The following KIAA1549L variants were observed in gnomAD, a reference collection of about 807,000 sequenced individuals.
The protein encoded by KIAA1549L is UPF0606 protein KIAA1549L.
KIAA1549L carries 88 observed loss-of-function variants against 160.7 expected under a neutral mutation model. The observed-to-expected ratio is 0.55, with a 90% CI of 0.46 to 0.65. KIAA1549L has a LOEUF of 0.65. Ranked by LOEUF, KIAA1549L falls within the 30% of genes least tolerant of loss-of-function variation. The pLI is 0.00. For missense variants in KIAA1549L, 2,258 were observed against 2,437.5 expected (o/e 0.93, Z 1.55); for synonymous variants, 950 against 976.7 (o/e 0.97, Z 0.51).
chr11:33,644,656 A>G (rs1276453851), intron 16 of KIAA1549L, among the ~76,000 whole-genome samples: 2 of 152,256 alleles, frequency 1.3e-5, no homozygotes, highest in African/African-American at 2.4e-5. Flanking sequence ...AATACCAGAA[A>G]GTTAAAGTAA....
At chr11:33,416,741 T>C (rs1054796033) in intron 1 of KIAA1549L, among the ~76,000 whole-genome samples, 4 of 152,198 alleles carry the variant, frequency 2.6e-5, no homozygotes, top group Non-Finnish European at 5.9e-5. Flanking sequence ...GGGATGGTTA[T>C]TTAGTAATAG....
At chr11:33,383,365 C>A (rs918544374) in intron 1 of KIAA1549L, among the ~76,000 whole-genome samples, 2 of 151,628 alleles carry the variant, frequency 1.3e-5, no homozygotes, top group African/African-American at 2.4e-5. Flanking sequence ...CGTTGCTTGA[C>A]AACATATTAG....
At position 33,431,827 on chromosome 11, in the gene KIAA1549L, A is replaced by C. The variant is rs755636760; in HGVS notation, c.238+54938A>C. Among the ~76,000 whole-genome samples the C allele has an allele frequency of 8.7e-4, 133 of 152,356 alleles. 1 individual carries two copies. Among genetic ancestry groups the C allele is most frequent in the Non-Finnish European group, 7.8e-4 (53 of 68,034 alleles). On this transcript the variant is annotated intron_variant, in intron 1 of 20. Coordinates refer to ENST00000658780, the MANE Select transcript of KIAA1549L (RefSeq NM_012194.3). ...CTCATCGGGGAGGCTCGGGCTGCAC[A>C]GGAACCCAGGGAGGCCGGGGAAGGC... is the stretch of plus-strand genomic sequence containing the variant.
intron 1 of KIAA1549L, among the ~76,000 whole-genome samples, chr11:33,477,125 G>C (rs2133039395): frequency 6.6e-6 from 1 of 152,272 alleles, no homozygotes; most frequent in South Asian, 2.1e-4. Flanking sequence ...TATGCAAGAA[G>C]GTTGTTATTC....
chr11:33,652,444 C>T (rs1851923715), intron 17 of KIAA1549L, among the ~76,000 whole-genome samples: 1 of 152,152 alleles, frequency 6.6e-6, no homozygotes, highest in Admixed American at 6.5e-5. Context: ...TGCCATCTTG[C>T]TTTGTACCTG....
At chr11:33,419,335 A>T (rs1347906617) in intron 1 of KIAA1549L, among the ~76,000 whole-genome samples, 1 of 152,174 alleles carries the variant, frequency 6.6e-6, no homozygotes, top group Non-Finnish European at 1.5e-5. Flanking sequence ...ATACCTTGAC[A>T]TTTTTATCAG....
intron 10 of KIAA1549L, among the ~76,000 whole-genome samples, chr11:33,580,975 G>T (rs1378884077): frequency 6.6e-6 from 1 of 152,134 alleles, no homozygotes; most frequent in Admixed American, 6.5e-5. Flanking sequence ...AAGGGAGGGA[G>T]GCAAGGGTCC....
At chr11:33,476,671 A>T (rs1412792815) in intron 1 of KIAA1549L, among the ~76,000 whole-genome samples, 1 of 152,130 alleles carries the variant, frequency 6.6e-6, no homozygotes, top group Non-Finnish European at 1.5e-5. Context: ...AGAACCTTGC[A>T]GTTCCTTCTT....
At chr11:33,501,809 AG>A (rs1852955719) in intron 1 of KIAA1549L, among the ~76,000 whole-genome samples, 1 of 152,160 alleles carries the variant, frequency 6.6e-6, no homozygotes, top group Non-Finnish European at 1.5e-5. Flanking sequence ...ACTCCAAGGT[AG>A]CTACAATTAT....
intron 1 of KIAA1549L, among the ~76,000 whole-genome samples, chr11:33,477,412 A>G (rs1852309856): frequency 2.0e-5 from 3 of 152,314 alleles, no homozygotes; most frequent in East Asian, 1.9e-4. Flanking sequence ...AATGGGATGG[A>G]ACACAATAAA....
intron 1 of KIAA1549L, among the ~76,000 whole-genome samples, chr11:33,431,079 T>A (rs1228141763): frequency 6.6e-6 from 1 of 151,942 alleles, no homozygotes. Context: ...TTGCGGTGAG[T>A]GCTACAGCTC....
At chr11:33,606,526 T>C in intron 13 of KIAA1549L, 115 bp from the exon 14 acceptor site, 1 of 987,768 alleles carries the variant, frequency 1.0e-6, no homozygotes, top group Non-Finnish European at 1.5e-6. Flanking sequence ...TGCTGTCGTT[T>C]CTGAGGTTGT....
intron 12 of KIAA1549L, 79 bp downstream of exon 12, chr11:33,591,500 T>C (rs1388923511): frequency 8.8e-7 from 1 of 1,130,692 alleles, no homozygotes; most frequent in East Asian, 2.4e-5. Context: ...GCCCTCAAGT[T>C]AATTCCACGG....
At chr11:33,533,421 T>A (rs1052648913) in intron 1 of KIAA1549L, among the ~76,000 whole-genome samples, 5 of 152,236 alleles carry the variant, frequency 3.3e-5, no homozygotes, top group Non-Finnish European at 7.3e-5. Flanking sequence ...AGCACTTTCT[T>A]AATTCCTTTT....
At chr11:33,402,812 C>G (rs1238524633) in intron 1 of KIAA1549L, among the ~76,000 whole-genome samples, 2 of 151,048 alleles carry the variant, frequency 1.3e-5, no homozygotes, top group East Asian at 3.9e-4. Context: ...CTCCTGCCAC[C>G]CCCCCTAGCT....
At chr11:33,433,365 A>C (rs1024710607) in intron 1 of KIAA1549L, among the ~76,000 whole-genome samples, 4 of 152,234 alleles carry the variant, frequency 2.6e-5, no homozygotes, top group Non-Finnish European at 5.9e-5. Context: ...TGATCATCAG[A>C]GAAATGCAAA....
In KIAA1549L at chr11:33,669,643, T is replaced by A. The variant is rs571729020; in HGVS notation, c.*1489T>A. On this transcript the variant is annotated 3_prime_UTR_variant, in exon 21 of 21. Coordinates refer to ENST00000658780, the MANE Select transcript of KIAA1549L (RefSeq NM_012194.3). ...TGTCCTCAACGAGTTTCTTTGGTCT[T>A]TACTGAAAGAAGATAGTAGAAATTT... 6.6e-6 allele frequency: 1 copy of A among 152,210 alleles called. No individual in the cohort carries two copies. The highest frequency in any genetic ancestry group is 1.5e-5 in the Non-Finnish European group (1 of 68,034). 9.4% of individuals were successfully genotyped at this position (152,210 alleles called of 1,614,324 possible).
intron 1 of KIAA1549L, among the ~76,000 whole-genome samples, chr11:33,432,042 G>A (rs972565418): frequency 1.3e-5 from 2 of 152,192 alleles, no homozygotes; most frequent in Non-Finnish European, 2.9e-5. Context: ...CTCCGAGTGC[G>A]GGGCCTGCCA....
chr11:33,446,127 C>T (rs1216791252), intron 1 of KIAA1549L, among the ~76,000 whole-genome samples: 1 of 145,062 alleles, frequency 6.9e-6, no homozygotes, highest in Non-Finnish European at 1.5e-5. Flanking sequence ...CAGAGCCTTG[C>T]TCTGTCACCC....
Sources: allele counts gnomAD v4.1 joint callset (sites outside exome capture counted in the v4.1 genomes callset), GRCh38; gene constraint gnomAD v4.1.1; transcripts MANE v1.5; gene names NCBI Gene and HGNC (gene_info 2026-07-23, HGNC 2026-07-21).